The following SP140 variants were observed in gnomAD, a reference collection of about 807,000 sequenced individuals.
The protein encoded by SP140 is nuclear body protein SP140.
In SP140, 81 loss-of-function variants were observed where a neutral mutation model predicts 125.0. The ratio of observed to expected loss-of-function variants is 0.65; its 90% CI spans 0.54 to 0.78. The LOEUF (loss-of-function observed/expected upper bound fraction) is 0.78, where lower values mean the gene tolerates loss of function less well. Among genes scored for constraint, SP140 ranks in the 30% least tolerant of loss-of-function variants. SP140 has a pLI of 0.00. For synonymous variants in SP140, 312 were observed against 354.0 expected, an observed-to-expected ratio of 0.88 and a Z score of 1.33; for missense variants, 858 against 1,037.0, an observed-to-expected ratio of 0.83 and a Z score of 2.37.
chr2:230,241,539 C>G, intron 4 of SP140, 52 bp downstream of exon 4: 1 of 1,071,296 alleles, frequency 9.3e-7, no homozygotes, highest in Non-Finnish European at 1.5e-6. Flanking sequence ...GCTTCCTTGC[C>G]TTCATGGAGG....
At position 230,243,795 on chromosome 2, in the gene SP140, G is replaced by C. The variant is rs1457674123; in HGVS notation, c.555G>C (p.Ser185=). ...TGCCTCAGGAAGCCTTGAGCTCCTC[G>C]CCAAGGTGTGAGCCAGGTAAGGAAG... The part of the protein sequence containing the change: ...IAVPQEALSS[S]PRCEPGFSSE... The change falls in exon 5 of 27, where the codon TCG becomes TCC. Residue 185 remains serine, a synonymous_variant. Transcript: ENST00000392045. 6.2e-7 allele frequency: 1 copy of C among 1,611,904 alleles called. No homozygotes were observed. The highest frequency in any genetic ancestry group is 1.3e-5 in the African/African-American group (1 of 74,802).
At chr2:230,296,098 A>G (rs1470960428) in intron 21 of SP140, among the ~76,000 whole-genome samples, 1 of 151,718 alleles carries the variant, frequency 6.6e-6, no homozygotes, top group African/African-American at 2.4e-5. Context: ...AAAATTACCC[A>G]GACATTGTGG....
intron 12 of SP140, among the ~76,000 whole-genome samples, chr2:230,263,920 A>G (rs994390176): frequency 6.6e-6 from 1 of 152,142 alleles, no homozygotes; most frequent in African/African-American, 2.4e-5. Context: ...CTTCGTCTTA[A>G]ATTTGGTTAA....
At chr2:230,278,691 C>A (rs895805357) in intron 15 of SP140, among the ~76,000 whole-genome samples, 1 of 151,930 alleles carries the variant, frequency 6.6e-6, no homozygotes. Context: ...GTAAGCCAAG[C>A]GTCTAATTTC....
intron 19 of SP140, among the ~76,000 whole-genome samples, chr2:230,291,284 A>G (rs1225838324): frequency 1.3e-5 from 2 of 152,260 alleles, no homozygotes; most frequent in African/African-American, 2.4e-5. Flanking sequence ...TTACTGAGAT[A>G]TAGTTCACAT....
chr2:230,298,514 G>A (rs2057975922), intron 22 of SP140, among the ~76,000 whole-genome samples: 1 of 152,190 alleles, frequency 6.6e-6, no homozygotes, highest in Non-Finnish European at 1.5e-5. Context: ...TGTTTGTGTG[G>A]CTGATTTTGG....
At chr2:230,260,852 A>G (rs997308297) in intron 12 of SP140, among the ~76,000 whole-genome samples, 2 of 152,132 alleles carry the variant, frequency 1.3e-5, no homozygotes, top group African/African-American at 2.4e-5. Flanking sequence ...GCCTTATAGT[A>G]TAGTTTGAAA....
chr2:230,240,398 T>C (rs1158531422), intron 3 of SP140, among the ~76,000 whole-genome samples: 2 of 152,150 alleles, frequency 1.3e-5, no homozygotes, highest in Non-Finnish European at 2.9e-5. Context: ...TGGGAGACAA[T>C]ATTTTGCAAT....
chr2:230,262,627 C>T (rs1350921743), intron 12 of SP140, among the ~76,000 whole-genome samples: 1 of 152,106 alleles, frequency 6.6e-6, no homozygotes, highest in Non-Finnish European at 1.5e-5. Context: ...TGCTCTATCC[C>T]AGAGGTTTTG....
chr2:230,247,992 A>T lies in SP140; in HGVS notation c.819A>T (p.Glu273Asp). The change falls in exon 8 of 27, where the codon GAA (glutamate) becomes GAT (aspartate). Residue 273 changes from glutamate to aspartate, a missense_variant. By Grantham distance (45) the Glu-to-Asp change is conservative. Around this residue, in one of 4 missense-constraint regions of SP140, gnomAD observed 791 missense variants for 869.5 expected, o/e 0.91. Coordinates refer to ENST00000392045, the MANE Select transcript of SP140 (RefSeq NM_007237.5). ...CAGGGGAGAAACAGGGAGAGGAGGA[A>T]GGCAGGAACAGTCCCAGAAAAAGAA... ...TAPGEKQGEE[E>D]GRNSPRKRNQ... The T allele has an allele frequency of 6.2e-7, 1 of 1,613,918 alleles. No homozygotes were observed. The highest frequency in any genetic ancestry group is 8.5e-7 in the Non-Finnish European group (1 of 1,179,872).
chr2:230,277,422 T>C (rs1359460801), intron 15 of SP140, among the ~76,000 whole-genome samples: 2 of 152,198 alleles, frequency 1.3e-5, no homozygotes, highest in African/African-American at 4.8e-5. Flanking sequence ...GCACACTTAA[T>C]ATACCACAGT....
At chr2:230,278,853 A>G (rs528275735) in intron 15 of SP140, among the ~76,000 whole-genome samples, 4 of 152,152 alleles carry the variant, frequency 2.6e-5, no homozygotes, top group East Asian at 3.8e-4. Context: ...TAGTCAGAGC[A>G]AGTAAGAAAG....
chr2:230,286,985 T>A (rs1438850028), intron 17 of SP140, among the ~76,000 whole-genome samples: 1 of 152,184 alleles, frequency 6.6e-6, no homozygotes, highest in African/African-American at 2.4e-5. Context: ...CATTGGATGG[T>A]GGACATCCAG....
chr2:230,236,167 G>T (rs1427387763), intron 1 of SP140, among the ~76,000 whole-genome samples: 1 of 152,098 alleles, frequency 6.6e-6, no homozygotes, highest in Non-Finnish European at 1.5e-5. Context: ...GAGCCACCGC[G>T]CCCGGCCTTC....
rs370883378 is a variant in SP140 at position 230,240,160 on chromosome 2, T to A, written c.407-1244T>A. Among the ~76,000 whole-genome samples the A allele has an allele frequency of 3.9e-5, 6 of 152,162 alleles. No homozygotes were observed. In the East Asian group the frequency reaches 5.8e-4, roughly 15 times the overall value. ...ATACTACACAACATCCACAAAAAAA[T>A]AATTCAAGTTGGATCACAAATCTAG... On this transcript the variant is annotated intron_variant, in intron 3 of 26. Coordinates refer to ENST00000392045, the MANE Select transcript of SP140 (RefSeq NM_007237.5).
At chr2:230,204,923 G>C (rs576774146) in intron 1 of SP140, among the ~76,000 whole-genome samples, 2 of 152,240 alleles carry the variant, frequency 1.3e-5, no homozygotes, top group East Asian at 3.9e-4. Flanking sequence ...GAAATGAAAT[G>C]GGAAGAAATG....
intron 1 of SP140, 120 bp downstream of exon 1, chr2:230,226,023 T>G (rs1481791060): frequency 6.4e-6 from 5 of 777,314 alleles, no homozygotes; most frequent in Non-Finnish European, 1.0e-5. Flanking sequence ...CAGTTACAAA[T>G]AAATAACGAG....
chr2:230,278,592 C>A (rs1405913421), intron 15 of SP140, among the ~76,000 whole-genome samples: 1 of 152,002 alleles, frequency 6.6e-6, no homozygotes, highest in African/African-American at 2.4e-5. Context: ...CCTCAAGGAG[C>A]TTTTCCTCTG....
rs984868968 is a variant in SP140, at chr2:230,292,775, G to A, written c.1955G>A (p.Arg652Gln). 6.8e-6 allele frequency: 11 copies of A among 1,613,932 alleles called. No individual in the cohort carries two copies. The highest frequency in any genetic ancestry group is 5.0e-5 in the Admixed American group (3 of 59,994). The change falls in exon 20 of 27, where the codon CGA becomes CAA. Residue 652 changes from arginine (R) to glutamine (Q), a missense_variant. This residue lies in a region of SP140 where 791 missense variants were observed against 869.5 expected (regional missense o/e 0.91). Transcript: ENST00000392045. ...GTGCGCTGTGGCGGGTGGCCCCTAC[G>A]ATGGCTGATGGAGGTATTCCAATGA... ...LSVRCGGWPLRWLMENGFLPD... is the reference protein window; with the variant it reads ...LSVRCGGWPLQWLMENGFLPD...
Sources: gnomAD v4.1 joint callset for allele counts (sites outside exome capture counted in the v4.1 genomes callset) on GRCh38, gnomAD v4.1.1 for gene constraint, gnomAD v4.1.1 regional missense constraint, MANE v1.5 for transcripts, NCBI Gene and HGNC (gene_info 2026-07-23, HGNC 2026-07-21) for gene names.